The following DACH1 variants were observed in gnomAD, a reference collection of about 807,000 sequenced individuals.
The protein encoded by DACH1 is dachshund family transcription factor 1.
A neutral mutation model predicts 54.2 loss-of-function variants in DACH1; 12 were observed. The observed-to-expected ratio is 0.22, with a 90% CI of 0.14 to 0.36. The LOEUF is 0.36. DACH1 is among the 10% of genes least tolerant of loss of function. The pLI, the probability that DACH1 is intolerant of heterozygous loss-of-function variation, is 1.00. For missense variants in DACH1, 805 were observed against 929.8 expected (o/e 0.87, Z 1.75); for synonymous variants, 386 against 366.2 (o/e 1.05, Z -0.62).
At chr13:71,666,314 C>T (rs1256442351) in intron 2 of DACH1, among the ~76,000 whole-genome samples, 1 of 151,998 alleles carries the variant, frequency 6.6e-6, no homozygotes, top group African/African-American at 2.4e-5. Context: ...GTGAGAAGTA[C>T]TATGTAGATA....
chr13:71,539,278 ATGGG>A (rs1249396313), intron 6 of DACH1, among the ~76,000 whole-genome samples: 1 of 151,990 alleles, frequency 6.6e-6, no homozygotes, highest in Non-Finnish European at 1.5e-5. Flanking sequence ...ATATTCATTG[ATGGG>A]TGCTCTTGAT....
intron 1 of DACH1, among the ~76,000 whole-genome samples, chr13:71,753,974 CAA>C (rs1885034815): frequency 6.6e-6 from 1 of 152,114 alleles, no homozygotes; most frequent in South Asian, 2.1e-4. Context: ...GCCACAGATG[CAA>C]AGAGAAACCA....
intron 6 of DACH1, among the ~76,000 whole-genome samples, chr13:71,512,368 A>G (rs1055539834): frequency 6.6e-6 from 1 of 151,922 alleles, no homozygotes; most frequent in Non-Finnish European, 1.5e-5. Flanking sequence ...ATTAACAAGT[A>G]CCATTATATG....
chr13:71,485,575 C>CTTTTT (rs68024614), intron 7 of DACH1, among the ~76,000 whole-genome samples: 17 of 46,138 alleles, frequency 3.7e-4, no homozygotes, highest in Non-Finnish European at 4.3e-4. Flanking sequence ...TTCTTTTCTT[C>CTTTTT]TTTTTTTTTT....
chr13:71,510,314 T>C (rs1880679210), intron 6 of DACH1, among the ~76,000 whole-genome samples: 1 of 152,010 alleles, frequency 6.6e-6, no homozygotes, highest in South Asian at 2.1e-4. Context: ...GCCTCCAAAA[T>C]TTATTTGCGT....
At chr13:71,710,526 G>T (rs1489520599) in intron 1 of DACH1, among the ~76,000 whole-genome samples, 1 of 151,164 alleles carries the variant, frequency 6.6e-6, no homozygotes, top group East Asian at 1.9e-4. Flanking sequence ...CAGGAGGAGA[G>T]TGTTACAAGA....
intron 1 of DACH1, among the ~76,000 whole-genome samples, chr13:71,816,173 C>T (rs1305468029): frequency 6.6e-6 from 1 of 152,074 alleles, no homozygotes; most frequent in East Asian, 1.9e-4. Flanking sequence ...AACAGCTAAA[C>T]AATCAAAGAG....
At chr13:71,760,266 C>T (rs1566483948) in intron 1 of DACH1, among the ~76,000 whole-genome samples, 1 of 152,150 alleles carries the variant, frequency 6.6e-6, no homozygotes. Flanking sequence ...GATTGAGCGT[C>T]TATCATGCTG....
intron 6 of DACH1, among the ~76,000 whole-genome samples, chr13:71,500,822 T>A (rs904684063): frequency 3.3e-5 from 5 of 152,074 alleles, no homozygotes; most frequent in African/African-American, 1.2e-4. Flanking sequence ...CTAAGAGGCC[T>A]AGGGAGTCAT....
At chr13:71,454,273 G>T (rs906720512) in intron 10 of DACH1, among the ~76,000 whole-genome samples, 3 of 152,052 alleles carry the variant, frequency 2.0e-5, no homozygotes, top group African/African-American at 7.2e-5. Flanking sequence ...CACACTCCTT[G>T]TTCTGATTCC....
chr13:71,478,499 C>G (rs1257123150), intron 8 of DACH1, among the ~76,000 whole-genome samples: 1 of 152,126 alleles, frequency 6.6e-6, no homozygotes, highest in Non-Finnish European at 1.5e-5. Flanking sequence ...AAATAATCTT[C>G]AAATTCATAC....
chr13:71,648,984 A>T (rs1423753296), intron 2 of DACH1, among the ~76,000 whole-genome samples: 2 of 152,186 alleles, frequency 1.3e-5, no homozygotes, highest in Non-Finnish European at 2.9e-5. Context: ...TCAATAATGG[A>T]ACTTGCTAGG....
At chr13:71,445,881 TAACA>T (rs1158372609) in intron 10 of DACH1, among the ~76,000 whole-genome samples, 1 of 152,190 alleles carries the variant, frequency 6.6e-6, no homozygotes, top group African/African-American at 2.4e-5. Context: ...AGCCTTCTGT[TAACA>T]AACCACCTGA....
chr13:71,526,650 C>G (rs956260499), intron 6 of DACH1, among the ~76,000 whole-genome samples: 58 of 151,362 alleles, frequency 3.8e-4, no homozygotes, highest in African/African-American at 1.3e-3. Flanking sequence ...GTTTTAAATG[C>G]AATCATTTTG....
At position 71,594,140 on chromosome 13, in the gene DACH1, T is replaced by C. The variant is rs1009809174; in HGVS notation, c.1127-21128A>G. 4.0e-5 allele frequency among the ~76,000 whole-genome samples: 6 copies of C among 151,536 alleles called. No homozygotes were observed. In the East Asian group the frequency reaches 1.2e-3, roughly 30 times the overall value. ...TATTTTCAAATGCTGTGTATTAAAATAATCTACTTGAATATGGACATCTCT... is the reference window on the plus strand; with the variant it reads ...TATTTTCAAATGCTGTGTATTAAAACAATCTACTTGAATATGGACATCTCT... On this transcript the variant is annotated intron_variant, in intron 3 of 10. Transcript: ENST00000613252.
rs1876286784 is a variant in DACH1 at position 71,622,043 on chromosome 13, A to G, written c.1126+8513T>C. Among the ~76,000 whole-genome samples, 6 of 151,238 alleles carry G rather than the reference A, an allele frequency of 4.0e-5. No homozygotes were observed. The South Asian group carries it at 1.0e-3, about 26-fold the overall frequency. On this transcript the variant is annotated intron_variant, in intron 3 of 10. Coordinates refer to ENST00000613252, the MANE Select transcript of DACH1 (RefSeq NM_080759.6). ...TGGGGATGGGGCATAAAGAGCACGC[A>G]AAACTATGTGTGCTACATTATTTCA...
intron 1 of DACH1, among the ~76,000 whole-genome samples, chr13:71,765,900 T>G (rs1378885409): frequency 1.3e-5 from 2 of 150,422 alleles, no homozygotes; most frequent in African/African-American, 4.9e-5. Context: ...TTTTTTTTTT[T>G]TTTTGAGACT....
chr13:71,464,231 A>G (rs1876353635), intron 10 of DACH1, among the ~76,000 whole-genome samples: 1 of 152,158 alleles, frequency 6.6e-6, no homozygotes, highest in South Asian at 2.1e-4. Flanking sequence ...GTCATTAAAA[A>G]AAATGAGCTG....
In DACH1 at chr13:71,451,172, C is replaced by A. The variant is rs537244039; in HGVS notation, c.2084-10480G>T. ...AAGTGTTTTAGTCACGAATGAGTGGCCTAAACTCATGTACACACAGTTGGG... is the reference window on the plus strand; with the variant it reads ...AAGTGTTTTAGTCACGAATGAGTGGACTAAACTCATGTACACACAGTTGGG... On this transcript the variant is annotated intron_variant, in intron 10 of 10. Transcript: ENST00000613252. Among the ~76,000 whole-genome samples the A allele has an allele frequency of 3.3e-5, 5 of 152,126 alleles. No homozygotes were observed. The South Asian group carries it at 6.2e-4, about 19-fold the overall frequency.
Sources: allele counts gnomAD v4.1 joint callset (sites outside exome capture counted in the v4.1 genomes callset), GRCh38; gene constraint gnomAD v4.1.1; transcripts MANE v1.5; gene names NCBI Gene and HGNC (gene_info 2026-07-23, HGNC 2026-07-21).